DNAJC1: variants seen among roughly 807,000 people sequenced by gnomAD.
DNAJC1 encodes dnaJ homolog subfamily C member 1.
Under a neutral mutation model 76.6 loss-of-function variants are expected in DNAJC1, and 58 were observed. The ratio of observed to expected loss-of-function variants is 0.76; its 90% CI spans 0.61 to 0.94. DNAJC1 has a LOEUF of 0.94. Among genes scored for constraint, DNAJC1 ranks in the 40% least tolerant of loss-of-function variants. The probability of loss-of-function intolerance (pLI) is 0.00; values close to 1 mark genes in which losing one functional copy is unlikely to be tolerated. For missense variants in DNAJC1, 689 were observed against 677.3 expected, an observed-to-expected ratio of 1.02 and a Z score of -0.19; for synonymous variants, 258 against 267.9, an observed-to-expected ratio of 0.96 and a Z score of 0.36.
rs11012837 is a variant in DNAJC1 at position 21,962,212 on chromosome 10, C to T, written c.223-33071G>A. On this transcript the variant is annotated intron_variant, in intron 1 of 11. Coordinates refer to ENST00000376980, the MANE Select transcript of DNAJC1 (RefSeq NM_022365.4). ...AGAATGTAAACACAATAAGGGCAGA[C>T]ATTTTGTCTGTTTTGTTTAATGCTG... Among the ~76,000 whole-genome samples, 9 of 152,194 alleles carry T rather than the reference C, an allele frequency of 5.9e-5. No homozygotes were observed. In the East Asian group the frequency reaches 1.7e-3, roughly 29 times the overall value.
At chr10:21,762,867 T>TA (rs1374630081) in intron 10 of DNAJC1, among the ~76,000 whole-genome samples, 1 of 152,226 alleles carries the variant, frequency 6.6e-6, no homozygotes, top group Non-Finnish European at 1.5e-5. Context: ...TAAGAGTTTT[T>TA]ATAGGTCACA....
intron 8 of DNAJC1, among the ~76,000 whole-genome samples, chr10:21,863,610 G>A (rs1464792795): frequency 6.6e-6 from 1 of 152,020 alleles, no homozygotes; most frequent in African/African-American, 2.4e-5. Flanking sequence ...AAAATTTGCA[G>A]ACTAAATCCA....
At chr10:21,809,513 T>C (rs1008025987) in intron 8 of DNAJC1, among the ~76,000 whole-genome samples, 6 of 151,302 alleles carry the variant, frequency 4.0e-5, no homozygotes, top group African/African-American at 1.5e-4. Context: ...CCAGTTAATA[T>C]ATAACACATT....
chr10:21,935,745 T>A (rs555674432), intron 1 of DNAJC1, among the ~76,000 whole-genome samples: 10 of 152,162 alleles, frequency 6.6e-5, no homozygotes, highest in South Asian at 6.2e-4. Flanking sequence ...TTATCATGTA[T>A]AAGGGATCTC....
chr10:21,788,356 C>T (rs1834638222), intron 9 of DNAJC1, among the ~76,000 whole-genome samples: 1 of 152,164 alleles, frequency 6.6e-6, no homozygotes, highest in South Asian at 2.1e-4. Context: ...CCCTGGGGAA[C>T]TCATGCCTTG....
intron 1 of DNAJC1, among the ~76,000 whole-genome samples, chr10:21,990,288 T>C (rs1026991924): frequency 1.3e-5 from 2 of 152,206 alleles, no homozygotes; most frequent in Non-Finnish European, 2.9e-5. Flanking sequence ...ACTGTAACTA[T>C]GGTGGCTTGC....
At chr10:21,863,273 A>G (rs1396250342) in intron 8 of DNAJC1, among the ~76,000 whole-genome samples, 1 of 152,202 alleles carries the variant, frequency 6.6e-6, no homozygotes, top group African/African-American at 2.4e-5. Context: ...AGAGAGGCTA[A>G]AACAGAGAAG....
Position 21,769,191 on chromosome 10 carries a change from A to G in DNAJC1, c.1099-2882T>C, listed in dbSNP as rs368871422. On this transcript the variant is annotated intron_variant, in intron 9 of 11. Coordinates refer to ENST00000376980, the MANE Select transcript of DNAJC1 (RefSeq NM_022365.4). Reference sequence around the variant, plus strand: ...CCAGCTATTCGATAATACTTTAGAAAAGAAATGATTAACCTAGGTCTCTGG... The same window carrying G: ...CCAGCTATTCGATAATACTTTAGAAGAGAAATGATTAACCTAGGTCTCTGG... Among the ~76,000 whole-genome samples the G allele has an allele frequency of 3.6e-4, 55 of 152,330 alleles. 1 individual carries two copies. The South Asian group carries it at 0.011, about 32-fold the overall frequency.
At position 21,998,491 on chromosome 10, in the gene DNAJC1, G is replaced by T. The variant is rs536092302; in HGVS notation, c.222+4722C>A. On this transcript the variant is annotated intron_variant, in intron 1 of 11. Transcript: ENST00000376980. ...CTGTTACACAAAATATAAATACTGT[G>T]CAGGAACCTATAATTTAAGATGGTA... Among the ~76,000 whole-genome samples, 19 of 151,724 alleles carry T rather than the reference G, an allele frequency of 1.3e-4. No homozygotes were observed. In the South Asian group the frequency reaches 4.0e-3, roughly 32 times the overall value.
At chr10:21,930,939 C>T (rs930196701) in intron 1 of DNAJC1, among the ~76,000 whole-genome samples, 1 of 152,094 alleles carries the variant, frequency 6.6e-6, no homozygotes, top group African/African-American at 2.4e-5. Flanking sequence ...TATGTATTTT[C>T]TATTACAAAA....
chr10:21,759,900 A>G (rs1014418280), intron 10 of DNAJC1, among the ~76,000 whole-genome samples: 6 of 152,214 alleles, frequency 3.9e-5, no homozygotes, highest in Non-Finnish European at 5.9e-5. Context: ...TAATGGGTAT[A>G]TAAAGAATCA....
intron 9 of DNAJC1, among the ~76,000 whole-genome samples, chr10:21,797,462 G>A (rs1834762096): frequency 1.3e-5 from 2 of 152,030 alleles, no homozygotes; most frequent in East Asian, 1.9e-4. Flanking sequence ...CTTCAGGATT[G>A]GTTTTTCTAG....
At chr10:21,909,205 G>A (rs1026604654) in intron 6 of DNAJC1, among the ~76,000 whole-genome samples, 3 of 152,110 alleles carry the variant, frequency 2.0e-5, no homozygotes, top group African/African-American at 4.8e-5. Context: ...AAGATTTCCT[G>A]AAGAGCTCAA....
chr10:21,922,377 G>C (rs1361243143), intron 3 of DNAJC1, among the ~76,000 whole-genome samples: 3 of 151,724 alleles, frequency 2.0e-5, no homozygotes, highest in Non-Finnish European at 4.4e-5. Context: ...GATCAACTTA[G>C]GTTATTAATA....
At position 22,003,615 on chromosome 10, in the gene DNAJC1, C is replaced by CGGACGGGCGGGTGGGT. The variant is rs1838565757; in HGVS notation, c.-197_-182dup. On this transcript the variant is annotated 5_prime_UTR_variant, in exon 1 of 12. Coordinates refer to ENST00000376980, the MANE Select transcript of DNAJC1 (RefSeq NM_022365.4). ...CGCGGAGGCGGCGGGAGCCGGCTGC[C>CGGACGGGCGGGTGGGT]GGACGGGCGGGTGGGTAGGCGGGCG... 1.6e-6 allele frequency: 1 copy of CGGACGGGCGGGTGGGT among 645,000 alleles called. No individual in the cohort carries two copies. Among genetic ancestry groups the CGGACGGGCGGGTGGGT allele is most frequent in the Non-Finnish European group, 2.2e-6 (1 of 453,432 alleles). 40.0% of individuals were successfully genotyped at this position (645,000 alleles called of 1,614,324 possible). A position where few individuals can be genotyped will look rare whatever the true frequency, so the allele number is the denominator to read the frequency against.
At chr10:21,799,932 C>A (rs1353660898) in intron 9 of DNAJC1, among the ~76,000 whole-genome samples, 2 of 152,248 alleles carry the variant, frequency 1.3e-5, no homozygotes, top group African/African-American at 4.8e-5. Context: ...TGCTGAGGGA[C>A]CTGTGTCATT....
At chr10:21,786,445 TATATATATATATATATATAGAG>T (rs982432933) in intron 9 of DNAJC1, among the ~76,000 whole-genome samples, 1 of 110,528 alleles carries the variant, frequency 9.0e-6, no homozygotes, top group African/African-American at 3.5e-5. Context: ...TATATATATA[TATATATATATATATATATAGAG>T]AGAGAGAGAG....
chr10:21,913,571 C>T (rs1282721563), intron 6 of DNAJC1, among the ~76,000 whole-genome samples: 2 of 152,170 alleles, frequency 1.3e-5, no homozygotes, highest in Admixed American at 6.5e-5. Flanking sequence ...GATTATATGT[C>T]ACCAACTACT....
At chr10:21,796,117 G>A (rs1834748285) in intron 9 of DNAJC1, among the ~76,000 whole-genome samples, 1 of 151,754 alleles carries the variant, frequency 6.6e-6, no homozygotes, top group South Asian at 2.1e-4. Context: ...TTACAGGCAT[G>A]CACCACCATA....
Sources: allele counts gnomAD v4.1 joint callset (sites outside exome capture counted in the v4.1 genomes callset), GRCh38; gene constraint gnomAD v4.1.1; transcripts MANE v1.5; gene names NCBI Gene and HGNC (gene_info 2026-07-23, HGNC 2026-07-21).